The following KCNMA1 variants were observed in gnomAD, a reference collection of about 807,000 sequenced individuals.
KCNMA1 encodes potassium calcium-activated channel subfamily M alpha 1, also known as Calcium-activated potassium channel subunit alpha-1.
In KCNMA1, 29 loss-of-function variants were observed where a neutral mutation model predicts 140.0. That is an observed-to-expected ratio of 0.21 (90% CI 0.15 to 0.28). KCNMA1 has a LOEUF of 0.28. Ranked by LOEUF, KCNMA1 falls within the 10% of genes least tolerant of loss-of-function variation. The pLI is 1.00. For missense variants in KCNMA1, 880 were observed against 1,602.2 expected (o/e 0.55, Z 7.70); for synonymous variants, 612 against 611.9 (o/e 1.00, Z 0.00).
chr10:77,233,925 A>G (rs2054515523), intron 3 of KCNMA1, among the ~76,000 whole-genome samples: 1 of 152,184 alleles, frequency 6.6e-6, no homozygotes, highest in African/African-American at 2.4e-5. Flanking sequence ...TGGCACCCCG[A>G]ACAGTGACAG....
At chr10:77,368,550 G>T (rs1049456717) in intron 2 of KCNMA1, among the ~76,000 whole-genome samples, 3 of 152,090 alleles carry the variant, frequency 2.0e-5, no homozygotes, top group Non-Finnish European at 4.4e-5. Flanking sequence ...ATTTTGACGT[G>T]TCTAAGTGAT....
chr10:77,558,391 T>A (rs530365165), intron 1 of KCNMA1, among the ~76,000 whole-genome samples: 1 of 152,262 alleles, frequency 6.6e-6, no homozygotes, highest in South Asian at 2.1e-4. Flanking sequence ...ATCACGATGA[T>A]CCTGGTACAG....
intron 1 of KCNMA1, among the ~76,000 whole-genome samples, chr10:77,580,888 T>C (rs1403956191): frequency 6.6e-6 from 1 of 152,228 alleles, no homozygotes; most frequent in Non-Finnish European, 1.5e-5. Context: ...CAATACTTTA[T>C]ATGCATTATT....
intron 3 of KCNMA1, among the ~76,000 whole-genome samples, chr10:77,247,375 G>A (rs752054695): frequency 2.0e-5 from 3 of 151,802 alleles, no homozygotes; most frequent in Non-Finnish European, 4.4e-5. Context: ...GTGGGTCTTT[G>A]TTTTTTTTCC....
At chr10:77,206,272 T>G (rs1386214613) in intron 3 of KCNMA1, among the ~76,000 whole-genome samples, 1 of 152,230 alleles carries the variant, frequency 6.6e-6, no homozygotes, top group East Asian at 1.9e-4. Context: ...CTCATTGTGT[T>G]CTAACTCACT....
chr10:76,974,647 A>G, intron 19 of KCNMA1: 1 of 1,006,436 alleles, frequency 9.9e-7, no homozygotes, highest in Non-Finnish European at 1.5e-6. Context: ...GTTCCAAACA[A>G]TTTTAACATT....
intron 2 of KCNMA1, among the ~76,000 whole-genome samples, chr10:77,286,971 G>A (rs1433744360): frequency 1.3e-5 from 2 of 152,174 alleles, no homozygotes; most frequent in Non-Finnish European, 2.9e-5. Flanking sequence ...GAGGATTAGA[G>A]TAGACATATA....
At chr10:77,624,138 T>C (rs2092081324) in intron 1 of KCNMA1, among the ~76,000 whole-genome samples, 1 of 152,242 alleles carries the variant, frequency 6.6e-6, no homozygotes, top group Non-Finnish European at 1.5e-5. Context: ...AGGGCTGAGA[T>C]GAACGTTCTA....
chr10:77,572,986 A>G (rs79408720), intron 1 of KCNMA1, among the ~76,000 whole-genome samples: 2,234 of 152,242 alleles, frequency 0.015, 63 homozygotes, highest in African/African-American at 0.051. Flanking sequence ...AATGAAGACC[A>G]TAAACTGCCT....
chr10:77,362,258 C>A (rs1411685515), intron 2 of KCNMA1, among the ~76,000 whole-genome samples: 1 of 152,080 alleles, frequency 6.6e-6, no homozygotes, highest in East Asian at 1.9e-4. Flanking sequence ...TTGTCCCTTC[C>A]CTGCACCCCC....
At chr10:77,476,499 G>A (rs916515494) in intron 1 of KCNMA1, among the ~76,000 whole-genome samples, 6 of 152,172 alleles carry the variant, frequency 3.9e-5, no homozygotes, top group African/African-American at 9.7e-5. Context: ...GCCACTGTCC[G>A]AAGGCCTTAG....
chr10:77,305,342 C>T (rs1460929351), intron 2 of KCNMA1, among the ~76,000 whole-genome samples: 3 of 152,182 alleles, frequency 2.0e-5, no homozygotes, highest in Non-Finnish European at 4.4e-5. Context: ...TTCCTATTTC[C>T]TCTTCTTTAT....
chr10:77,382,982 GTGTGTGTGTGTGTATATATATATA>G (rs1388047213), intron 2 of KCNMA1, among the ~76,000 whole-genome samples: 71 of 75,368 alleles, frequency 9.4e-4, no homozygotes, highest in Admixed American at 1.3e-3. Context: ...GTGTGTGTGT[GTGTGTGTGTGTGTATATATATATA>G]TATATATATA....
intron 5 of KCNMA1, among the ~76,000 whole-genome samples, chr10:77,132,638 A>G (rs2097890166): frequency 6.6e-6 from 1 of 151,510 alleles, no homozygotes; most frequent in Admixed American, 6.6e-5. Context: ...TTACATTTTC[A>G]AAGACCTAAA....
intron 3 of KCNMA1, among the ~76,000 whole-genome samples, chr10:77,235,036 T>A (rs1177226397): frequency 6.6e-6 from 1 of 152,200 alleles, no homozygotes; most frequent in Non-Finnish European, 1.5e-5. Flanking sequence ...CAGAACTGGG[T>A]GCTATCAGGT....
intron 1 of KCNMA1, among the ~76,000 whole-genome samples, chr10:77,470,474 C>T (rs16934856): frequency 6.6e-6 from 1 of 152,146 alleles, no homozygotes; most frequent in Admixed American, 6.5e-5. Context: ...CTTGAACACC[C>T]AGTGCTGCCG....
At chr10:77,506,552 A>T (rs1435630204) in intron 1 of KCNMA1, among the ~76,000 whole-genome samples, 1 of 149,958 alleles carries the variant, frequency 6.7e-6, no homozygotes, top group African/African-American at 2.5e-5. Flanking sequence ...ACATGGAGAG[A>T]GGGAAAGAGA....
chr10:77,053,532 A>T (rs1004460117), intron 14 of KCNMA1, among the ~76,000 whole-genome samples: 1 of 152,176 alleles, frequency 6.6e-6, no homozygotes, highest in Non-Finnish European at 1.5e-5. Flanking sequence ...AAATGTATTC[A>T]GTCAGAAAAT....
At chr10:77,099,615 G>A (rs1368744802) in intron 9 of KCNMA1, among the ~76,000 whole-genome samples, 1 of 151,940 alleles carries the variant, frequency 6.6e-6, no homozygotes, top group Non-Finnish European at 1.5e-5. Context: ...TCGAGGGGCT[G>A]AGGCAGGAGA....
Sources: gnomAD v4.1 joint callset for allele counts (sites outside exome capture counted in the v4.1 genomes callset) on GRCh38, gnomAD v4.1.1 for gene constraint, MANE v1.5 for transcripts, NCBI Gene and HGNC (gene_info 2026-07-23, HGNC 2026-07-21) for gene names.